HHAT: variants seen among roughly 807,000 people sequenced by gnomAD.
HHAT encodes the protein hedgehog acyltransferase.
HHAT carries 47 observed loss-of-function variants against 70.8 expected under a neutral mutation model. The observed-to-expected ratio is 0.66, with a 90% confidence interval of 0.53 to 0.85. The LOEUF is 0.85. Among genes scored for constraint, HHAT ranks in the 40% least tolerant of loss-of-function variants. The pLI, the probability that HHAT is intolerant of heterozygous loss-of-function variation, is 0.00. For synonymous variants in HHAT, 228 were observed against 247.6 expected (o/e 0.92, Z 0.74); for missense variants, 609 against 604.8 (o/e 1.01, Z -0.07).
intron 3 of HHAT, among the ~76,000 whole-genome samples, chr1:210,363,380 CTTG>C (rs1465284185): frequency 1.1e-4 from 17 of 152,182 alleles, no homozygotes; most frequent in Admixed American, 1.0e-3. Flanking sequence ...GGCTGGCTCG[CTTG>C]TCTTCAGCAG....
intron 11 of HHAT, among the ~76,000 whole-genome samples, chr1:210,661,704 T>C (rs1194188436): frequency 2.0e-5 from 3 of 152,226 alleles, no homozygotes; most frequent in Non-Finnish European, 4.4e-5. Context: ...ATGTATACCA[T>C]GGAATACTAT....
intron 2 of HHAT, among the ~76,000 whole-genome samples, chr1:210,352,979 A>G (rs555822423): frequency 4.6e-5 from 7 of 150,688 alleles, no homozygotes; most frequent in South Asian, 4.2e-4. Flanking sequence ...TCTGTCACCC[A>G]GGCTGGAGTG....
intron 9 of HHAT, among the ~76,000 whole-genome samples, chr1:210,567,563 C>T (rs1266099538): frequency 4.6e-5 from 7 of 152,154 alleles, no homozygotes; most frequent in East Asian, 1.9e-4. Context: ...TCAGTATTGT[C>T]CCTAATACAC....
At chr1:210,395,077 A>G (rs1447927656) in intron 4 of HHAT, among the ~76,000 whole-genome samples, 1 of 152,212 alleles carries the variant, frequency 6.6e-6, no homozygotes, top group Non-Finnish European at 1.5e-5. Flanking sequence ...TGTGTCATAC[A>G]TAAGATTGAT....
At chr1:210,480,801 C>T (rs2148485383) in intron 8 of HHAT, among the ~76,000 whole-genome samples, 1 of 152,296 alleles carries the variant, frequency 6.6e-6, no homozygotes, top group Middle Eastern at 3.4e-3. Context: ...AGCATTCCCA[C>T]CTTATTCCTT....
intron 3 of HHAT, among the ~76,000 whole-genome samples, chr1:210,365,189 A>G (rs566150615): frequency 6.6e-5 from 10 of 152,280 alleles, no homozygotes; most frequent in African/African-American, 2.2e-4. Flanking sequence ...ATTCTAATCA[A>G]AAGAAGATAT....
intron 6 of HHAT, among the ~76,000 whole-genome samples, chr1:210,414,007 G>A (rs561194072): frequency 3.3e-5 from 5 of 152,100 alleles, no homozygotes; most frequent in Admixed American, 6.5e-5. Context: ...ATTTTCTGCC[G>A]TAGTCCATTT....
intron 8 of HHAT, among the ~76,000 whole-genome samples, chr1:210,476,151 A>G (rs2094303361): frequency 6.6e-6 from 1 of 152,220 alleles, no homozygotes. Context: ...AAGTTTTCTT[A>G]TCCTTTTTGT....
At chr1:210,334,198 T>TTTTTTTTTTTTTTTTTTTTTTTTTA (rs2085271937) in intron 1 of HHAT, among the ~76,000 whole-genome samples, 1 of 146,590 alleles carries the variant, frequency 6.8e-6, no homozygotes, top group Admixed American at 6.9e-5. Flanking sequence ...TTTTTTTTTT[T>TTTTTTTTTTTTTTTTTTTTTTTTTA]GAGAAAGGGT....
intron 9 of HHAT, among the ~76,000 whole-genome samples, chr1:210,525,604 G>C (rs1319407794): frequency 6.6e-6 from 1 of 152,046 alleles, no homozygotes; most frequent in East Asian, 1.9e-4. Flanking sequence ...TGCTATATTT[G>C]AATTTATTAA....
At chr1:210,366,938 C>T (rs1378156523) in intron 3 of HHAT, among the ~76,000 whole-genome samples, 1 of 152,198 alleles carries the variant, frequency 6.6e-6, no homozygotes, top group African/African-American at 2.4e-5. Flanking sequence ...CACTTCCCTG[C>T]CTCTCTCTTT....
chr1:210,606,713 A>G (rs572133172), intron 10 of HHAT, among the ~76,000 whole-genome samples: 1 of 152,318 alleles, frequency 6.6e-6, no homozygotes, highest in South Asian at 2.1e-4. Context: ...CTTTTTAAGA[A>G]AAAGGCCATA....
intron 9 of HHAT, among the ~76,000 whole-genome samples, chr1:210,548,268 T>C (rs2095500899): frequency 6.6e-6 from 1 of 152,230 alleles, no homozygotes; most frequent in African/African-American, 2.4e-5. Flanking sequence ...GGTCTGACCT[T>C]GGCCTATGTT....
At chr1:210,674,252 T>G in intron 11 of HHAT, 36 bp from the exon 12 acceptor site, 2 of 1,563,078 alleles carry the variant, frequency 1.3e-6, no homozygotes, top group East Asian at 4.5e-5. Flanking sequence ...CCCAAGCATT[T>G]CTAACTGCTC....
At chr1:210,435,867 T>A (rs1450957121) in intron 7 of HHAT, among the ~76,000 whole-genome samples, 1 of 151,910 alleles carries the variant, frequency 6.6e-6, no homozygotes, top group Non-Finnish European at 1.5e-5. Context: ...TGGTTATTAA[T>A]CTTTTGTTAG....
At chr1:210,352,991 A>C (rs2087197883) in intron 2 of HHAT, among the ~76,000 whole-genome samples, 1 of 150,550 alleles carries the variant, frequency 6.6e-6, no homozygotes, top group Non-Finnish European at 1.5e-5. Flanking sequence ...GCTGGAGTGC[A>C]GTGGCGCAAT....
chr1:210,597,131 C>G (rs1663186089), intron 10 of HHAT, among the ~76,000 whole-genome samples: 1 of 152,220 alleles, frequency 6.6e-6, no homozygotes, highest in Non-Finnish European at 1.5e-5. Context: ...GAAGAATTAT[C>G]TGGATTGTCA....
In HHAT at chr1:210,564,495, A is replaced by T. The variant is rs146146641; in HGVS notation, c.1044-23403A>T. Among the ~76,000 whole-genome samples the T allele has an allele frequency of 2.9e-4, 44 of 152,348 alleles. No individual in the cohort carries two copies. The East Asian group carries it at 8.1e-3, about 28-fold the overall frequency. On this transcript the variant is annotated intron_variant, in intron 9 of 11. Coordinates refer to ENST00000261458, the MANE Select transcript of HHAT (RefSeq NM_018194.6). Reference sequence around the variant, plus strand: ...TGGAAGGATGCTCATGATTAGGTGAACAGAACAGTTTCCTGAAGTGGAATG... The same window carrying T: ...TGGAAGGATGCTCATGATTAGGTGATCAGAACAGTTTCCTGAAGTGGAATG...
intron 9 of HHAT, among the ~76,000 whole-genome samples, chr1:210,524,911 T>C (rs1470982853): frequency 6.6e-6 from 1 of 152,054 alleles, no homozygotes; most frequent in South Asian, 2.1e-4. Flanking sequence ...TATGTAATTA[T>C]GCATGTGAAC....
Sources: allele counts gnomAD v4.1 joint callset (sites outside exome capture counted in the v4.1 genomes callset), GRCh38; gene constraint gnomAD v4.1.1; transcripts MANE v1.5; gene names NCBI Gene and HGNC (gene_info 2026-07-23, HGNC 2026-07-21).